The following CNTN2 variants were observed in gnomAD, a reference collection of about 807,000 sequenced individuals.
CNTN2 encodes contactin 2.
In CNTN2, 53 loss-of-function variants were observed where a neutral mutation model predicts 117.5. The ratio of observed to expected loss-of-function variants is 0.45; its 90% CI spans 0.36 to 0.57. The LOEUF (loss-of-function observed/expected upper bound fraction) is 0.57. Ranked by LOEUF, CNTN2 falls within the 20% of genes least tolerant of loss-of-function variation. The pLI is 0.00. For missense variants in CNTN2, 1,106 were observed against 1,404.3 expected (o/e 0.79, Z 3.39); for synonymous variants, 530 against 561.7 (o/e 0.94, Z 0.80).
At chr1:205,051,746 G>A (rs1473329070) in intron 1 of CNTN2, among the ~76,000 whole-genome samples, 1 of 152,168 alleles carries the variant, frequency 6.6e-6, no homozygotes. Flanking sequence ...CTGTGAAAGA[G>A]GCAGGAAAAG....
At chr1:205,069,255 C>G in intron 16 of CNTN2, 1 of 513,316 alleles carries the variant, frequency 1.9e-6, no homozygotes, top group Non-Finnish European at 3.5e-6. Flanking sequence ...GAATCAGAGG[C>G]TCAGAAAGGT....
At chr1:205,052,459 A>G (rs755351079) in intron 1 of CNTN2, among the ~76,000 whole-genome samples, 7 of 152,168 alleles carry the variant, frequency 4.6e-5, no homozygotes, top group African/African-American at 9.7e-5. Flanking sequence ...CCTCTGGGAG[A>G]TGCATTAACT....
chr1:205,067,206 G>C lies in CNTN2; in HGVS notation c.2081G>C (p.Gly694Ala), dbSNP rs778483656. 6.2e-7 allele frequency: 1 copy of C among 1,614,096 alleles called. No individual in the cohort carries two copies. The highest frequency in any genetic ancestry group is 8.5e-7 in the Non-Finnish European group (1 of 1,180,002). The change falls in exon 16 of 23, where the codon GGG becomes GCG. Residue 694 changes from glycine to alanine, a missense_variant. Coordinates refer to ENST00000331830, the MANE Select transcript of CNTN2 (RefSeq NM_005076.5). ...ATAGCCAGCAACATTCTGGGCACTG[G>C]GGAGCCTAGTGGGCCCTCCAGCAAA... is the stretch of plus-strand genomic sequence containing the variant. ...RVIASNILGT[G>A]EPSGPSSKIR...
Position 205,066,523 on chromosome 1 carries a change from C to T in CNTN2, c.1899C>T (p.Asp633=). The change falls in exon 15 of 23, where the codon GAC becomes GAT. Residue 633 remains aspartate (D), a synonymous_variant. Coordinates refer to ENST00000331830, the MANE Select transcript of CNTN2 (RefSeq NM_005076.5). ...AGCTCAGCTGGAGCCGTGGCTTCGACAACCACAGCCCCATCGCTAAGTACA... is the reference window on the plus strand; with the variant it reads ...AGCTCAGCTGGAGCCGTGGCTTCGATAACCACAGCCCCATCGCTAAGTACA... The part of the protein sequence containing the change: ...TIQLSWSRGF[D]NHSPIAKYTL... 1 of 1,614,158 alleles carries T rather than the reference C, an allele frequency of 6.2e-7. No homozygotes were observed. Among genetic ancestry groups the T allele is most frequent in the South Asian group, 1.1e-5 (1 of 91,090 alleles).
In CNTN2 at chr1:205,064,752, T is replaced by C; in HGVS notation, c.1519+2T>C. ...GCACTGGAATCCTATCTGTGCGAGG[T>C]GAGGGCTGCCATGTGGGTAGGCCGG... is the stretch of plus-strand genomic sequence containing the variant. On this transcript the variant is annotated splice_donor_variant, in intron 12 of 22. Coordinates refer to ENST00000331830, the MANE Select transcript of CNTN2 (RefSeq NM_005076.5). LOFTEE classifies it high-confidence loss of function. 1 of 1,613,890 alleles carries C rather than the reference T, an allele frequency of 6.2e-7. No individual in the cohort carries two copies. The highest frequency in any genetic ancestry group is 8.5e-7 in the Non-Finnish European group (1 of 1,179,940).
Position 205,065,708 on chromosome 1 carries a change from C to A in CNTN2, c.1696-81C>A. Reference sequence around the variant, plus strand: ...TGTCATGGAGTAGGGGACTCCCAAGCGCTGCCTCATGTCTCATGGCCTGCT... The same window carrying A: ...TGTCATGGAGTAGGGGACTCCCAAGAGCTGCCTCATGTCTCATGGCCTGCT... On this transcript the variant is annotated intron_variant, in intron 13 of 22. Coordinates refer to ENST00000331830, the MANE Select transcript of CNTN2 (RefSeq NM_005076.5). The surrounding 1 kb of genome is among the most constrained non-coding windows in gnomAD (Gnocchi z 4.1). 3.6e-6 allele frequency: 2 copies of A among 556,550 alleles called. No individual in the cohort carries two copies. Among genetic ancestry groups the A allele is most frequent in the Non-Finnish European group, 6.5e-6 (2 of 306,234 alleles). The allele number at this position is 556,550 out of a possible 1,614,324, so 34.5% of individuals were successfully genotyped here. A position where few individuals can be genotyped will look rare whatever the true frequency, so the allele number is the denominator to read the frequency against.
intron 1 of CNTN2, among the ~76,000 whole-genome samples, chr1:205,049,388 C>CACATATAT (rs1001833834): frequency 3.3e-5 from 5 of 151,586 alleles, no homozygotes; most frequent in African/African-American, 1.2e-4. Context: ...CATACATATA[C>CACATATAT]ACATATATAC....
chr1:205,049,281 G>GACACACACACACAC (rs3835569), intron 1 of CNTN2, among the ~76,000 whole-genome samples: 5 of 120,640 alleles, frequency 4.1e-5, no homozygotes, highest in Middle Eastern at 3.9e-3. Context: ...CCTCACACCC[G>GACACACACACACAC]ACACACACAC....
intron 21 of CNTN2, 96 bp from the exon 22 acceptor site, chr1:205,072,972 G>A: frequency 1.5e-6 from 2 of 1,377,786 alleles, no homozygotes; most frequent in African/African-American, 1.4e-5. Flanking sequence ...CAAGAGCCCA[G>A]AACCATCGGG....
chr1:205,051,953 A>G (rs1204660167), intron 1 of CNTN2, among the ~76,000 whole-genome samples: 1 of 152,136 alleles, frequency 6.6e-6, no homozygotes, highest in African/African-American at 2.4e-5. Context: ...AGCATTCCCA[A>G]GCCCTTGGCC....
In CNTN2 at chr1:205,048,662, C is replaced by T. The variant is rs554850726; in HGVS notation, c.-86-4438C>T. Among the ~76,000 whole-genome samples, 8 of 152,282 alleles carry T rather than the reference C, an allele frequency of 5.3e-5. No homozygotes were observed. In the South Asian group the frequency reaches 6.2e-4, roughly 12 times the overall value. On this transcript the variant is annotated intron_variant, in intron 1 of 22. Coordinates refer to ENST00000331830, the MANE Select transcript of CNTN2 (RefSeq NM_005076.5). This position sits in a 1 kb window ranked among gnomAD's most constrained non-coding sequence, Gnocchi z 4.1. ...CTCCTCCATCCTGGGCATTCTAGAA[C>T]GCATAATAGGGCAGATGGTATGGGG...
intron 1 of CNTN2, among the ~76,000 whole-genome samples, chr1:205,051,480 C>G (rs2096452780): frequency 6.6e-6 from 1 of 152,130 alleles, no homozygotes. Flanking sequence ...GTCTTGAGTT[C>G]AAGTCGAACT....
Position 205,065,745 on chromosome 1 carries a change from G to T in CNTN2, c.1696-44G>T. The T allele has an allele frequency of 6.2e-7, 1 of 1,613,478 alleles. No homozygotes were observed. On this transcript the variant is annotated intron_variant, in intron 13 of 22. Coordinates refer to ENST00000331830, the MANE Select transcript of CNTN2 (RefSeq NM_005076.5). The surrounding 1 kb of genome is among the most constrained non-coding windows in gnomAD (Gnocchi z 4.1). ...TCTCATGGCCTGCTGCACTGGTCAGGGCCGGTGGTCTGACCTGCTGCCCCT... is the reference window on the plus strand; with the variant it reads ...TCTCATGGCCTGCTGCACTGGTCAGTGCCGGTGGTCTGACCTGCTGCCCCT...
At chr1:205,062,411 C>A in intron 9 of CNTN2, 29 bp from the exon 10 acceptor site, 3 of 1,592,902 alleles carry the variant, frequency 1.9e-6, no homozygotes, top group Non-Finnish European at 2.6e-6. Context: ...TGGTCCTGAT[C>A]CCCCTGGGCT....
intron 1 of CNTN2, among the ~76,000 whole-genome samples, chr1:205,047,644 C>T (rs562841834): frequency 1.3e-5 from 2 of 152,208 alleles, no homozygotes; most frequent in South Asian, 2.1e-4. Context: ...ACCTTTGAGG[C>T]GTAAGAGGAG....
chr1:205,071,853 A>G (rs564766998), intron 19 of CNTN2, 94 bp from the exon 20 acceptor site: 2 of 1,227,662 alleles, frequency 1.6e-6, no homozygotes, highest in East Asian at 5.2e-5. Context: ...CACAGGGACC[A>G]GGATGAGCAA....
chr1:205,055,465 C>T (rs1014874248), intron 2 of CNTN2, among the ~76,000 whole-genome samples: 2 of 152,116 alleles, frequency 1.3e-5, no homozygotes, highest in African/African-American at 2.4e-5. Flanking sequence ...GGTGGTACTA[C>T]GCTGGGGATA....
intron 2 of CNTN2, among the ~76,000 whole-genome samples, chr1:205,056,216 C>T (rs1653600893): frequency 6.6e-6 from 1 of 152,164 alleles, no homozygotes; most frequent in Non-Finnish European, 1.5e-5. Context: ...CATCACCCAG[C>T]GTTCCTGGAA....
rs549718470 is a variant in CNTN2 at position 205,075,251 on chromosome 1, G to A, written c.*1486G>A. On this transcript the variant is annotated 3_prime_UTR_variant, in exon 23 of 23. Coordinates refer to ENST00000331830, the MANE Select transcript of CNTN2 (RefSeq NM_005076.5). ...GTGAAAATTCTACTTCAAGGGGTTC[G>A]GATTGGTGATCATGGGGATTGGCAT... The A allele has an allele frequency of 2.1e-5, 4 of 188,014 alleles. No individual in the cohort carries two copies. Among genetic ancestry groups the A allele is most frequent in the East Asian group, 2.6e-4 (2 of 7,744 alleles). The allele number at this position is 188,014 out of a possible 1,614,324, so 11.6% of individuals were successfully genotyped here.
Sources: gnomAD v4.1 joint callset for allele counts (sites outside exome capture counted in the v4.1 genomes callset) on GRCh38, gnomAD v4.1.1 for gene constraint, Gnocchi (gnomAD v3.1) non-coding constraint, MANE v1.5 for transcripts, NCBI Gene and HGNC (gene_info 2026-07-23, HGNC 2026-07-21) for gene names.